The following PPP2CA variants were observed in gnomAD, a reference collection of about 807,000 sequenced individuals.
PPP2CA encodes serine/threonine-protein phosphatase 2A catalytic subunit alpha isoform.
A neutral mutation model predicts 38.8 loss-of-function variants in PPP2CA; 5 were observed. That is an observed-to-expected ratio of 0.13 (90% CI 0.07 to 0.27). The LOEUF (loss-of-function observed/expected upper bound fraction) is 0.27. Ranked by LOEUF, PPP2CA falls within the 10% of genes least tolerant of loss-of-function variation. The pLI is 1.00. For synonymous variants in PPP2CA, 152 were observed against 134.0 expected, an observed-to-expected ratio of 1.13 and a Z score of -0.93; for missense variants, 88 against 389.7, an observed-to-expected ratio of 0.23 and a Z score of 6.52.
Position 134,210,638 on chromosome 5 carries a change from G to A in PPP2CA, c.103-4507C>T, listed in dbSNP as rs56855931. On this transcript the variant is annotated intron_variant, in intron 1 of 6. Coordinates refer to ENST00000481195, the MANE Select transcript of PPP2CA (RefSeq NM_002715.4). Reference sequence around the variant, plus strand: ...GCAGGTGGATCATTTGAGGTCAAGAGCTTGAGACCAGCCTGACCAACATAG... The same window carrying A: ...GCAGGTGGATCATTTGAGGTCAAGAACTTGAGACCAGCCTGACCAACATAG... Among the ~76,000 whole-genome samples, 1,045 of 152,286 alleles carry A rather than the reference G, an allele frequency of 6.9e-3. 12 individuals carry two copies. The highest frequency in any genetic ancestry group is 0.024 in the African/African-American group (997 of 41,556).
intron 2 of PPP2CA, among the ~76,000 whole-genome samples, chr5:134,204,255 G>A (rs532298249): frequency 6.6e-6 from 1 of 152,226 alleles, no homozygotes; most frequent in South Asian, 2.1e-4. Context: ...TGCCTAGGGG[G>A]GAAAAAATCT....
In PPP2CA at chr5:134,225,978, G is replaced by T; in HGVS notation, c.-117C>A. 1 of 915,438 alleles carries T rather than the reference G, an allele frequency of 1.1e-6. No individual in the cohort carries two copies. The highest frequency in any genetic ancestry group is 1.6e-6 in the Non-Finnish European group (1 of 610,656). The allele number at this position is 915,438 out of a possible 1,614,324, so 56.7% of individuals were successfully genotyped here. ...TCGTGTACTTCTGGCGGCTGTTGAG[G>T]CTGGCGCTGGCCCGCTGGCTCTCAC... On this transcript the variant is annotated 5_prime_UTR_variant, in exon 1 of 7. Transcript: ENST00000481195.
chr5:134,219,263 G>A (rs547375460), intron 1 of PPP2CA, among the ~76,000 whole-genome samples: 24 of 152,326 alleles, frequency 1.6e-4, no homozygotes, highest in Admixed American at 6.5e-4. Flanking sequence ...GAATAAGGTA[G>A]TGCTTTTTAG....
At position 134,200,974 on chromosome 5, in the gene PPP2CA, A is replaced by G. The variant is rs2149383138; in HGVS notation, c.576+11T>C. 3 of 1,581,818 alleles carry G rather than the reference A, an allele frequency of 1.9e-6. No individual in the cohort carries two copies. Among genetic ancestry groups the G allele is most frequent in the Middle Eastern group, 1.7e-4 (1 of 5,992 alleles). On this transcript the variant is annotated intron_variant, in intron 4 of 6. Coordinates refer to ENST00000481195, the MANE Select transcript of PPP2CA (RefSeq NM_002715.4). ...GTTTTCTGAAAGAATTTTATCAAAT[A>G]AAAGTCATACCTCATGGGGAACTTC...
intron 1 of PPP2CA, among the ~76,000 whole-genome samples, chr5:134,221,698 G>A (rs370160971): frequency 2.6e-5 from 4 of 152,074 alleles, no homozygotes; most frequent in South Asian, 2.1e-4. Context: ...GGCCAGGCGC[G>A]CTGGCTCAAG....
chr5:134,221,645 T>G (rs1762445207), intron 1 of PPP2CA, among the ~76,000 whole-genome samples: 1 of 152,056 alleles, frequency 6.6e-6, no homozygotes, highest in South Asian at 2.1e-4. Context: ...GTATGTAACA[T>G]GAATAGGAAG....
At position 134,202,244 on chromosome 5, in the gene PPP2CA, A is replaced by G. The variant is rs138241880; in HGVS notation, c.313-223T>C. ...TAAAATCAAACTCCCTCTACCACCA[A>G]CTTTATACCAAACATAAATCAATGG... On this transcript the variant is annotated intron_variant, in intron 2 of 6. Transcript: ENST00000481195. 1.2e-3 allele frequency: 522 copies of G among 445,174 alleles called. 14 individuals carry two copies. In the East Asian group the frequency reaches 0.015, roughly 13 times the overall value. The allele number at this position is 445,174 out of a possible 1,614,324, so 27.6% of individuals were successfully genotyped here. A position where few individuals can be genotyped will look rare whatever the true frequency, so the allele number is the denominator to read the frequency against.
intron 1 of PPP2CA, among the ~76,000 whole-genome samples, chr5:134,210,048 G>A (rs1461149020): frequency 1.3e-5 from 2 of 151,856 alleles, no homozygotes; most frequent in African/African-American, 2.4e-5. Flanking sequence ...ACCCCAGGAC[G>A]GTCAAGGATG....
chr5:134,204,967 T>C (rs4533942), intron 2 of PPP2CA, among the ~76,000 whole-genome samples: 114,088 of 147,700 alleles, frequency 0.77, 44,578 homozygotes, highest in Non-Finnish European at 0.82. Context: ...CAGGGTCTCA[T>C]TGTTCCCCAA....
At chr5:134,221,847 A>G (rs1239951348) in intron 1 of PPP2CA, among the ~76,000 whole-genome samples, 2 of 151,928 alleles carry the variant, frequency 1.3e-5, no homozygotes, top group Non-Finnish European at 2.9e-5. Flanking sequence ...GGGTACCTGT[A>G]ATCCCAGCTA....
chr5:134,218,808 A>G (rs141659417), intron 1 of PPP2CA, among the ~76,000 whole-genome samples: 2,831 of 151,994 alleles, frequency 0.019, 37 homozygotes, highest in Middle Eastern at 0.034. Flanking sequence ...AGCTGGGACT[A>G]CAGGCGCCCA....
At chr5:134,213,169 T>A (rs1161220014) in intron 1 of PPP2CA, among the ~76,000 whole-genome samples, 1 of 152,218 alleles carries the variant, frequency 6.6e-6, no homozygotes, top group Non-Finnish European at 1.5e-5. Context: ...AGTCAATGCC[T>A]GCCCTCAAAC....
Position 134,200,458 on chromosome 5 carries a change from G to A in PPP2CA, c.615C>T (p.Asp205=). 2 of 1,614,030 alleles carry A rather than the reference G, an allele frequency of 1.2e-6. No individual in the cohort carries two copies. Among genetic ancestry groups the A allele is most frequent in the Non-Finnish European group, 1.7e-6 (2 of 1,179,984 alleles). ...GAGGAGATATACCCCAACCACCACG[G>A]TCATCTGGATCTGACCACAGCAAGT... The part of the protein sequence containing the change: ...MCDLLWSDPD[D]RGGWGISPRG... The change falls in exon 5 of 7, where the codon GAC becomes GAT. Residue 205 remains aspartate, a synonymous_variant. Transcript: ENST00000481195.
intron 1 of PPP2CA, among the ~76,000 whole-genome samples, chr5:134,214,078 G>A (rs938394023): frequency 6.6e-6 from 1 of 152,084 alleles, no homozygotes; most frequent in Non-Finnish European, 1.5e-5. Flanking sequence ...GCAGTGAGCT[G>A]AGATCGTGCC....
At chr5:134,206,590 C>T (rs1762089826) in intron 1 of PPP2CA, among the ~76,000 whole-genome samples, 1 of 152,122 alleles carries the variant, frequency 6.6e-6, no homozygotes, top group African/African-American at 2.4e-5. Context: ...CCTGGATCTT[C>T]TTGGCTCAGG....
chr5:134,222,184 GA>G (rs1762460894), intron 1 of PPP2CA, among the ~76,000 whole-genome samples: 1 of 151,900 alleles, frequency 6.6e-6, no homozygotes, highest in South Asian at 2.1e-4. Context: ...CTGAGTCTTT[GA>G]GTTGCATCTG....
At chr5:134,221,563 G>C (rs1310746754) in intron 1 of PPP2CA, among the ~76,000 whole-genome samples, 4 of 152,172 alleles carry the variant, frequency 2.6e-5, no homozygotes, top group Non-Finnish European at 4.4e-5. Flanking sequence ...AATCTCATTT[G>C]AGGGGCAAAT....
At chr5:134,213,728 A>G (rs1301280567) in intron 1 of PPP2CA, among the ~76,000 whole-genome samples, 1 of 151,552 alleles carries the variant, frequency 6.6e-6, no homozygotes, top group Non-Finnish European at 1.5e-5. Context: ...GGTTCCAGTG[A>G]ACTATGATGA....
At chr5:134,218,349 AG>A (rs1414970263) in intron 1 of PPP2CA, among the ~76,000 whole-genome samples, 1 of 152,178 alleles carries the variant, frequency 6.6e-6, no homozygotes, top group Non-Finnish European at 1.5e-5. Flanking sequence ...AAAATTTGTG[AG>A]TTTTCCCATC....
Sources: allele counts gnomAD v4.1 joint callset (sites outside exome capture counted in the v4.1 genomes callset), GRCh38; gene constraint gnomAD v4.1.1; transcripts MANE v1.5; gene names NCBI Gene and HGNC (gene_info 2026-07-23, HGNC 2026-07-21).